TTK: variants seen among roughly 807,000 people sequenced by gnomAD.
The protein encoded by TTK is dual specificity protein kinase TTK.
A neutral mutation model predicts 117.3 loss-of-function variants in TTK; 59 were observed. The observed-to-expected ratio is 0.50, with a 90% CI of 0.41 to 0.62. The LOEUF (loss-of-function observed/expected upper bound fraction) is 0.62, where lower values mean the gene tolerates loss of function less well. TTK is among the 20% of genes least tolerant of loss of function. The pLI, the probability that TTK is intolerant of heterozygous loss-of-function variation, is 0.00. For synonymous variants in TTK, 302 were observed against 325.0 expected (o/e 0.93, Z 0.76); for missense variants, 921 against 989.4 (o/e 0.93, Z 0.93).
Position 80,014,491 on chromosome 6 carries a change from C to T in TTK, c.1013C>T (p.Pro338Leu), listed in dbSNP as rs766664618. The T allele has an allele frequency of 9.9e-6, 16 of 1,608,298 alleles. No individual in the cohort carries two copies. Among genetic ancestry groups the T allele is most frequent in the Non-Finnish European group, 2.5e-6 (3 of 1,177,336 alleles). The change falls in exon 10 of 22, where the codon CCT (proline) becomes CTT (leucine). Residue 338 changes from proline to leucine, a missense_variant. By Grantham distance (98) the Pro-to-Leu change is moderately conservative. Coordinates refer to ENST00000369798, the MANE Select transcript of TTK (RefSeq NM_003318.5). ...KSVQNSHFKEPLVSDEKSSEL... is the reference protein window; with the variant it reads ...KSVQNSHFKELLVSDEKSSEL... ...GTTCAAAATAGTCATTTCAAGGAAC[C>T]TCTGGTGTCAGATGAAAAGAGTTCT...
intron 10 of TTK, 81 bp downstream of exon 10, chr6:80,014,667 A>C: frequency 7.4e-7 from 1 of 1,354,812 alleles, no homozygotes; most frequent in Non-Finnish European, 9.9e-7. Flanking sequence ...CTAGCCACCT[A>C]AGAATTATGA....
chr6:80,005,876 G>T lies in TTK; in HGVS notation c.33G>T (p.Leu11Phe). The T allele has an allele frequency of 6.2e-7, 1 of 1,613,088 alleles. No individual in the cohort carries two copies. The highest frequency in any genetic ancestry group is 8.5e-7 in the Non-Finnish European group (1 of 1,179,692). The change falls in exon 2 of 22, where the codon TTG (leucine) becomes TTT (phenylalanine). Residue 11 changes from leucine (L) to phenylalanine (F), a missense_variant. By Grantham distance (22) the Leu-to-Phe change is conservative (BLOSUM62 0). Transcript: ENST00000369798. MESEDLSGRE[L>F]TIDSIMNKVR... is the part of the protein sequence containing the mutation. ...CCGAGGATTTAAGTGGCAGAGAATT[G>T]ACAATTGATTCCATAATGAACAAAG... is the stretch of plus-strand genomic sequence containing the variant.
At chr6:80,027,097 A>G (rs1767626814) in intron 12 of TTK, among the ~76,000 whole-genome samples, 1 of 152,198 alleles carries the variant, frequency 6.6e-6, no homozygotes, top group South Asian at 2.1e-4. Flanking sequence ...AAATAAAGGG[A>G]TGCGATACAT....
rs543283063 is a variant in TTK, at chr6:80,011,968, G to C, written c.884G>C (p.Cys295Ser). ...DVKTDDSVVP[C>S]FMKRQTSRSE... ...AAGACAGATGATTCAGTTGTACCTT[G>C]TTTTATGAAAAGGTATGTTGAGTTT... Residue 295 changes from cysteine to serine, a missense_variant, in exon 8 of 22, where the codon TGT becomes TCT. By Grantham distance (112) the Cys-to-Ser change is moderately radical (BLOSUM62 -1). Coordinates refer to ENST00000369798, the MANE Select transcript of TTK (RefSeq NM_003318.5). 2 of 1,607,840 alleles carry C rather than the reference G, an allele frequency of 1.2e-6. No homozygotes were observed. Among genetic ancestry groups the C allele is most frequent in the South Asian group, 2.2e-5 (2 of 89,576 alleles).
At chr6:80,023,426 T>C (rs1387589238) in intron 11 of TTK, among the ~76,000 whole-genome samples, 2 of 152,132 alleles carry the variant, frequency 1.3e-5, no homozygotes, top group Admixed American at 6.6e-5. Flanking sequence ...ACCCTGTCTC[T>C]ACTAAAAATA....
chr6:80,039,391 C>CAAGT (rs3049177), intron 18 of TTK, among the ~76,000 whole-genome samples: 149,171 of 151,838 alleles, frequency 0.98, 73,284 homozygotes, highest in East Asian at 1. Context: ...CTGGGGAAAA[C>CAAGT]AAACTTAAAA....
intron 9 of TTK, among the ~76,000 whole-genome samples, chr6:80,014,109 A>T (rs1204471101): frequency 6.6e-6 from 1 of 152,192 alleles, no homozygotes; most frequent in Non-Finnish European, 1.5e-5. Context: ...TTGGTGATAA[A>T]ATAGCCATCA....
At position 80,038,001 on chromosome 6, in the gene TTK, T is replaced by C. The variant is rs1307590360; in HGVS notation, c.2084T>C (p.Ile695Thr). 2 of 1,610,652 alleles carry C rather than the reference T, an allele frequency of 1.2e-6. No homozygotes were observed. The highest frequency in any genetic ancestry group is 1.7e-6 in the Non-Finnish European group (2 of 1,178,092). ...GTTAATTATATGCCACCAGAAGCAA[T>C]CAAAGATATGTCTTCCTCCAGAGAG... ...GTVNYMPPEA[I>T]KDMSSSRENG... is the part of the protein sequence containing the mutation. The change falls in exon 18 of 22, where the codon ATC (isoleucine) becomes ACC (threonine). Residue 695 changes from isoleucine to threonine, a missense_variant. Ile to Thr is a moderately conservative substitution (Grantham distance 89, BLOSUM62 -1). Coordinates refer to ENST00000369798, the MANE Select transcript of TTK (RefSeq NM_003318.5).
At chr6:80,028,297 T>TTTTA (rs147216592) in intron 13 of TTK, among the ~76,000 whole-genome samples, 4,351 of 146,662 alleles carry the variant, frequency 0.03, 101 homozygotes, top group East Asian at 0.093. Context: ...TATTTTTTAT[T>TTTTA]TTTATTTATT....
intron 11 of TTK, among the ~76,000 whole-genome samples, chr6:80,024,372 T>C (rs1191124552): frequency 6.6e-6 from 1 of 152,140 alleles, no homozygotes; most frequent in Non-Finnish European, 1.5e-5. Context: ...AACCGATGAA[T>C]GGATAAAGAA....
intron 10 of TTK, among the ~76,000 whole-genome samples, chr6:80,021,570 C>T (rs1767459572): frequency 6.6e-6 from 1 of 152,094 alleles, no homozygotes; most frequent in Non-Finnish European, 1.5e-5. Flanking sequence ...CTCATGCCCT[C>T]AAAAGACCAT....
At chr6:80,014,850 A>G (rs1457898389) in intron 10 of TTK, among the ~76,000 whole-genome samples, 1 of 152,124 alleles carries the variant, frequency 6.6e-6, no homozygotes, top group African/African-American at 2.4e-5. Context: ...GGCTTGACAA[A>G]TACTTTCTGG....
chr6:80,013,449 G>T, intron 9 of TTK, 83 bp downstream of exon 9: 1 of 1,154,082 alleles, frequency 8.7e-7, no homozygotes, highest in South Asian at 1.4e-5. Flanking sequence ...TCTGGGGAAA[G>T]GGTTTATAAA....
chr6:80,005,987 G>C lies in TTK; in HGVS notation c.139+5G>C, dbSNP rs755684102. 3.2e-5 allele frequency: 51 copies of C among 1,599,310 alleles called. No homozygotes were observed. Among genetic ancestry groups the C allele is most frequent in the Non-Finnish European group, 3.9e-5 (46 of 1,176,632 alleles). On this transcript the variant is annotated splice_donor_5th_base_variant and intron_variant, in intron 2 of 21. Transcript: ENST00000369798. ...AAATTTCTGCTGATACTACAGGTGA[G>C]TTTTTCTTTTCTTTTAAGTTAGTAA... is the stretch of plus-strand genomic sequence containing the variant.
chr6:80,032,638 A>C (rs151663), intron 14 of TTK, among the ~76,000 whole-genome samples: 93,882 of 151,960 alleles, frequency 0.62, 29,441 homozygotes, highest in Admixed American at 0.73. Context: ...AGTTGATTGA[A>C]CAAAAAATTG....
intron 10 of TTK, among the ~76,000 whole-genome samples, chr6:80,015,812 T>C (rs898804193): frequency 6.6e-6 from 1 of 152,204 alleles, no homozygotes; most frequent in Non-Finnish European, 1.5e-5. Context: ...GTCAGAACAC[T>C]GCCCAAATCA....
Position 80,010,887 on chromosome 6 carries a change from A to G in TTK, c.543A>G (p.Glu181=). 1.2e-6 allele frequency: 2 copies of G among 1,612,512 alleles called. No homozygotes were observed. The highest frequency in any genetic ancestry group is 8.5e-7 in the Non-Finnish European group (1 of 1,178,840). Residue 181 remains glutamate (E), a synonymous_variant, in exon 5 of 22, where the codon GAA becomes GAG. Transcript: ENST00000369798. ...ERGAVPLEML[E]IALRNLNLQK... ...GAGCAGTACCACTAGAAATGCTGGA[A>G]ATTGCCCTGCGGAATTTAAACCTCC...
intron 18 of TTK, among the ~76,000 whole-genome samples, chr6:80,038,863 C>G (rs535722628): frequency 6.6e-6 from 1 of 152,148 alleles, no homozygotes; most frequent in Non-Finnish European, 1.5e-5. Flanking sequence ...CTTCATTTAT[C>G]AACTCTATTT....
intron 6 of TTK, 24 bp downstream of exon 6, chr6:80,011,572 A>T (rs756534321): frequency 6.3e-7 from 1 of 1,582,748 alleles, no homozygotes; most frequent in Non-Finnish European, 8.6e-7. Flanking sequence ...AACAGTTTTT[A>T]AATGTTCATC....
Sources: allele counts gnomAD v4.1 joint callset (sites outside exome capture counted in the v4.1 genomes callset), GRCh38; gene constraint gnomAD v4.1.1; transcripts MANE v1.5; gene names NCBI Gene and HGNC (gene_info 2026-07-23, HGNC 2026-07-21).